CD300LF: variants seen among roughly 807,000 people sequenced by gnomAD.
The protein encoded by CD300LF is CMRF35-like molecule 1.
Under a neutral mutation model 32.2 loss-of-function variants are expected in CD300LF, and 27 were observed. The ratio of observed to expected loss-of-function variants is 0.84; its 90% CI spans 0.62 to 1.15. The LOEUF is 1.15. Ranked by LOEUF, CD300LF falls within the 50% of genes most tolerant of loss-of-function variation. The pLI, the probability that CD300LF is intolerant of heterozygous loss-of-function variation, is 0.00. For synonymous variants in CD300LF, 139 were observed against 143.2 expected (o/e 0.97, Z 0.21); for missense variants, 348 against 356.8 (o/e 0.98, Z 0.20).
intron 3 of CD300LF, among the ~76,000 whole-genome samples, chr17:74,701,222 A>G (rs1250501131): frequency 6.6e-6 from 1 of 152,260 alleles, no homozygotes; most frequent in Non-Finnish European, 1.5e-5. Flanking sequence ...AAAGAAATTC[A>G]TCAGTCAATT....
intron 3 of CD300LF, 178 bp from the exon 4 acceptor site, chr17:74,698,659 A>G (rs748381580): frequency 1.4e-6 from 2 of 1,426,168 alleles, no homozygotes; most frequent in Non-Finnish European, 1.8e-6. Flanking sequence ...ATGAGTACAC[A>G]TAGACACAAA....
intron 1 of CD300LF, among the ~76,000 whole-genome samples, chr17:74,706,839 G>T (rs1037171): frequency 6.6e-6 from 1 of 151,980 alleles, no homozygotes; most frequent in Non-Finnish European, 1.5e-5. Context: ...ACTCCAGCCC[G>T]GGTCCTGGGG....
intron 1 of CD300LF, among the ~76,000 whole-genome samples, chr17:74,711,004 A>C (rs941482591): frequency 8.6e-5 from 13 of 152,032 alleles, no homozygotes; most frequent in African/African-American, 3.1e-4. Flanking sequence ...ATGCCACCAC[A>C]CTCCAGCCTA....
intron 1 of CD300LF, among the ~76,000 whole-genome samples, chr17:74,711,720 G>A (rs564632998): frequency 2.2e-4 from 34 of 152,102 alleles, no homozygotes; most frequent in Non-Finnish European, 3.7e-4. Flanking sequence ...CCTAGGTCTC[G>A]GCTCGGACAG....
intron 2 of CD300LF, among the ~76,000 whole-genome samples, chr17:74,703,657 T>C (rs575109007): frequency 6.6e-6 from 1 of 152,142 alleles, no homozygotes; most frequent in African/African-American, 2.4e-5. Context: ...TGAGGACCCA[T>C]TGAGACAATG....
chr17:74,705,377 G>A, intron 1 of CD300LF: 1 of 641,244 alleles, frequency 1.6e-6, no homozygotes, highest in Non-Finnish European at 2.9e-6. Context: ...GTCTCCATGT[G>A]CTATAGGATC....
At position 74,695,230 on chromosome 17, in the gene CD300LF, T is replaced by C. The variant is rs758146355; in HGVS notation, c.739A>G (p.Ile247Val). Residue 247 changes from isoleucine (I) to valine (V), a missense_variant, in exon 7 of 7, where the codon ATT (isoleucine) becomes GTT (valine). Transcript: ENST00000326165. ...CCCAAGGTCAGAGATGCATAGGAAA[T>C]GTCCTCCTTCGGCAAGGAAGCCTGC... ...VTMASLPKED[I>V]SYASLTLGAE... The C allele has an allele frequency of 4.3e-6, 7 of 1,614,036 alleles. No homozygotes were observed. Among genetic ancestry groups the C allele is most frequent in the South Asian group, 1.1e-5 (1 of 91,086 alleles).
chr17:74,697,946 C>T (rs2032658628), intron 4 of CD300LF, among the ~76,000 whole-genome samples: 1 of 152,140 alleles, frequency 6.6e-6, no homozygotes, highest in East Asian at 1.9e-4. Flanking sequence ...GTGTGTGCAT[C>T]CACTGGTGTG....
chr17:74,699,236 A>G (rs1187545416), intron 3 of CD300LF, among the ~76,000 whole-genome samples: 2 of 152,168 alleles, frequency 1.3e-5, no homozygotes, highest in East Asian at 1.9e-4. Context: ...GATAGTTTTT[A>G]AAAGGAGAAA....
At chr17:74,712,607 G>C (rs1459291825) in intron 1 of CD300LF, among the ~76,000 whole-genome samples, 3 of 152,240 alleles carry the variant, frequency 2.0e-5, no homozygotes, top group Non-Finnish European at 4.4e-5. Context: ...GCCCCTGGGG[G>C]TCAGGAATTC....
chr17:74,696,573 T>C (rs560106360), intron 4 of CD300LF, among the ~76,000 whole-genome samples: 86 of 152,358 alleles, frequency 5.6e-4, no homozygotes, highest in African/African-American at 2.0e-3. Flanking sequence ...CATGTCTCTC[T>C]ACCTGATTCA....
chr17:74,707,637 C>T (rs1438297768), intron 1 of CD300LF, among the ~76,000 whole-genome samples: 1 of 151,648 alleles, frequency 6.6e-6, no homozygotes, highest in African/African-American at 2.4e-5. Context: ...ATCGTCTGAA[C>T]CTGGGAGGCG....
At chr17:74,698,703 T>C (rs2032756069) in intron 3 of CD300LF, 1 of 1,151,398 alleles carries the variant, frequency 8.7e-7, no homozygotes, top group Admixed American at 3.0e-5. Context: ...CAGGGCCTAC[T>C]TGAGGATGGA....
chr17:74,704,855 C>A (rs1405839159), intron 1 of CD300LF, 39 bp from the exon 2 acceptor site: 2 of 1,516,124 alleles, frequency 1.3e-6, no homozygotes, highest in Non-Finnish European at 1.8e-6. Context: ...CCTCCCACCC[C>A]AAGGGCAGGG....
chr17:74,696,566 G>A (rs2032499512), intron 4 of CD300LF, among the ~76,000 whole-genome samples: 1 of 152,208 alleles, frequency 6.6e-6, no homozygotes, highest in East Asian at 1.9e-4. Flanking sequence ...ATTCCACCAT[G>A]TCTCTCTACC....
chr17:74,701,708 G>T (rs891605500), intron 3 of CD300LF, among the ~76,000 whole-genome samples: 6 of 152,070 alleles, frequency 3.9e-5, no homozygotes, highest in Non-Finnish European at 4.4e-5. Flanking sequence ...AAATTGGCCG[G>T]GCATGGTGGC....
Position 74,695,026 on chromosome 17 carries a change from G to T in CD300LF, c.*70C>A. The stretch of plus-strand genomic sequence containing the variant: ...CGGGTTGGTCCTGATGAGGGGAGCA[G>T]GGGGCAGACGGTCGATGAGGCAGGA... On this transcript the variant is annotated 3_prime_UTR_variant, in exon 7 of 7. Coordinates refer to ENST00000326165, the MANE Select transcript of CD300LF (RefSeq NM_139018.5). The T allele has an allele frequency of 6.6e-7, 1 of 1,517,276 alleles. No individual in the cohort carries two copies. The highest frequency in any genetic ancestry group is 8.9e-7 in the Non-Finnish European group (1 of 1,119,600). The allele number at this position is 1,517,276 out of a possible 1,614,324, so 94.0% of individuals were successfully genotyped here. A position where few individuals can be genotyped will look rare whatever the true frequency, so the allele number is the denominator to read the frequency against.
intron 6 of CD300LF, 64 bp downstream of exon 6, chr17:74,695,661 G>C: frequency 6.2e-7 from 1 of 1,609,712 alleles, no homozygotes; most frequent in Non-Finnish European, 8.5e-7. Flanking sequence ...CCCTCCAACG[G>C]GGTGCAACGG....
At chr17:74,712,722 T>A in intron 1 of CD300LF, 102 bp downstream of exon 1, 8 of 1,199,084 alleles carry the variant, frequency 6.7e-6, no homozygotes, top group Non-Finnish European at 9.8e-6. Flanking sequence ...ACAAGGCTCA[T>A]GCCATTAAGG....
Sources: allele counts gnomAD v4.1 joint callset (sites outside exome capture counted in the v4.1 genomes callset), GRCh38; gene constraint gnomAD v4.1.1; transcripts MANE v1.5; gene names NCBI Gene and HGNC (gene_info 2026-07-23, HGNC 2026-07-21).